YWHAE: variants seen among roughly 807,000 people sequenced by gnomAD.
YWHAE encodes the protein 14-3-3 protein epsilon.
In YWHAE, 4 loss-of-function variants were observed where a neutral mutation model predicts 30.1. That is an observed-to-expected ratio of 0.13 (90% CI 0.07 to 0.30). YWHAE has a LOEUF of 0.30. Among genes scored for constraint, YWHAE ranks in the 10% least tolerant of loss-of-function variants. YWHAE has a pLI of 1.00. For missense variants in YWHAE, 121 were observed against 315.9 expected (o/e 0.38, Z 4.68); for synonymous variants, 118 against 111.8 (o/e 1.06, Z -0.35).
At chr17:1,371,101 T>C (rs953066189) in intron 1 of YWHAE, among the ~76,000 whole-genome samples, 3 of 151,852 alleles carry the variant, frequency 2.0e-5, no homozygotes, top group Non-Finnish European at 4.4e-5. Context: ...TGTGTGTGTT[T>C]TGAAACAGAG....
At chr17:1,392,109 CA>C (rs1393726204) in intron 1 of YWHAE, among the ~76,000 whole-genome samples, 1 of 151,892 alleles carries the variant, frequency 6.6e-6, no homozygotes, top group Admixed American at 6.6e-5. Context: ...CTGAGGTGCC[CA>C]GGGGGTCAAA....
At chr17:1,354,037 G>C (rs937860987) in intron 5 of YWHAE, among the ~76,000 whole-genome samples, 174 bp downstream of exon 5, 6 of 152,072 alleles carry the variant, frequency 3.9e-5, no homozygotes, top group Non-Finnish European at 8.8e-5. Context: ...TCCCAAAATG[G>C]AACTCCGTAC....
chr17:1,380,693 A>G (rs1395513377), intron 1 of YWHAE, among the ~76,000 whole-genome samples: 2 of 152,234 alleles, frequency 1.3e-5, no homozygotes, highest in African/African-American at 4.8e-5. Context: ...TAAAGAACAC[A>G]GCGTTTAGAA....
intron 1 of YWHAE, among the ~76,000 whole-genome samples, chr17:1,395,554 TTCTG>T (rs1261060884): frequency 1.3e-5 from 2 of 152,172 alleles, no homozygotes; most frequent in East Asian, 3.8e-4. Flanking sequence ...CGTTACTCAG[TTCTG>T]TCTATGCATT....
At chr17:1,395,015 A>G (rs1424488172) in intron 1 of YWHAE, among the ~76,000 whole-genome samples, 1 of 152,072 alleles carries the variant, frequency 6.6e-6, no homozygotes, top group Non-Finnish European at 1.5e-5. Context: ...GCTTGTCATT[A>G]CTGTTTGTGT....
chr17:1,347,894 T>A, intron 5 of YWHAE: 2 of 910,636 alleles, frequency 2.2e-6, no homozygotes, highest in Non-Finnish European at 2.6e-6. Flanking sequence ...AGGACGATCA[T>A]ACGCAGGCAT....
At chr17:1,374,011 C>T (rs556992320) in intron 1 of YWHAE, among the ~76,000 whole-genome samples, 1 of 152,240 alleles carries the variant, frequency 6.6e-6, no homozygotes, top group Non-Finnish European at 1.5e-5. Flanking sequence ...TATGGATATA[C>T]TATGCTTTAA....
intron 5 of YWHAE, among the ~76,000 whole-genome samples, chr17:1,348,418 A>G (rs1010178368): frequency 1.3e-5 from 2 of 152,246 alleles, no homozygotes; most frequent in African/African-American, 2.4e-5. Context: ...ATTATGTTCC[A>G]ACATGCTGGG....
chr17:1,362,111 A>T, intron 2 of YWHAE, 103 bp from the exon 3 acceptor site: 2 of 638,130 alleles, frequency 3.1e-6, no homozygotes. Flanking sequence ...TAGTATTAAA[A>T]AGAATTTGTA....
intron 1 of YWHAE, among the ~76,000 whole-genome samples, chr17:1,394,183 A>C (rs1315196315): frequency 6.6e-6 from 1 of 152,060 alleles, no homozygotes; most frequent in Non-Finnish European, 1.5e-5. Context: ...TCATAAAAAA[A>C]TCTCTCTCTC....
chr17:1,398,974 A>T (rs1220891577), intron 1 of YWHAE: 1 of 152,190 alleles, frequency 6.6e-6, no homozygotes, highest in Non-Finnish European at 1.5e-5. Context: ...AGCGCCTGGA[A>T]TAGGTTAAGA....
intron 5 of YWHAE, among the ~76,000 whole-genome samples, chr17:1,353,349 A>G (rs1332805619): frequency 6.6e-6 from 1 of 150,888 alleles, no homozygotes; most frequent in Admixed American, 6.7e-5. Flanking sequence ...GAGGTGGGAG[A>G]ATGGTGTAAA....
intron 1 of YWHAE, among the ~76,000 whole-genome samples, chr17:1,395,422 G>C (rs1309999325): frequency 6.6e-6 from 1 of 152,154 alleles, no homozygotes; most frequent in Non-Finnish European, 1.5e-5. Flanking sequence ...CCAGCTACTT[G>C]GGAGGCTGAG....
At chr17:1,381,100 A>C (rs1012743228) in intron 1 of YWHAE, among the ~76,000 whole-genome samples, 2 of 152,198 alleles carry the variant, frequency 1.3e-5, no homozygotes, top group Non-Finnish European at 2.9e-5. Context: ...AAATGGTCCA[A>C]GAGGCTGGGC....
At chr17:1,388,101 GTTTTTTTTTTTGGTTGGTTTT>G (rs1440082735) in intron 1 of YWHAE, among the ~76,000 whole-genome samples, 19,515 of 60,736 alleles carry the variant, frequency 0.32, 2,603 homozygotes, top group South Asian at 0.4. Flanking sequence ...GGTAATTTTT[GTTTTTTTTTTTGGTTGGTTTT>G]TTTTTTTTTT....
chr17:1,370,226 A>C (rs1366552528), intron 1 of YWHAE, among the ~76,000 whole-genome samples: 5 of 138,732 alleles, frequency 3.6e-5, no homozygotes, highest in Non-Finnish European at 7.5e-5. Context: ...TCCCAGGTTC[A>C]CGCCATTCTC....
intron 1 of YWHAE, among the ~76,000 whole-genome samples, chr17:1,369,182 C>T (rs2150857521): frequency 6.6e-6 from 1 of 152,224 alleles, no homozygotes; most frequent in East Asian, 1.9e-4. Context: ...ATATATAATT[C>T]CCCTACCTAA....
intron 4 of YWHAE, among the ~76,000 whole-genome samples, chr17:1,359,777 A>G (rs2072823833): frequency 6.6e-6 from 1 of 151,270 alleles, no homozygotes; most frequent in Admixed American, 6.6e-5. Context: ...TGGTGATTAC[A>G]CAACACTGTC....
intron 1 of YWHAE, among the ~76,000 whole-genome samples, chr17:1,387,819 T>C (rs941325667): frequency 6.7e-6 from 1 of 150,246 alleles, no homozygotes; most frequent in African/African-American, 2.5e-5. Flanking sequence ...AGACGGGGGG[T>C]CTCACCATGT....
Sources: allele counts gnomAD v4.1 joint callset (sites outside exome capture counted in the v4.1 genomes callset), GRCh38; gene constraint gnomAD v4.1.1; transcripts MANE v1.5; gene names NCBI Gene and HGNC (gene_info 2026-07-23, HGNC 2026-07-21).